Variants in EHHADH observed in about 807,000 individuals in gnomAD.
EHHADH encodes the protein peroxisomal bifunctional enzyme.
In EHHADH, 48 loss-of-function variants were observed where a neutral mutation model predicts 64.4. The observed-to-expected ratio is 0.75, with a 90% CI of 0.59 to 0.95. The LOEUF (loss-of-function observed/expected upper bound fraction) is 0.95, where lower values mean the gene tolerates loss of function less well. EHHADH is among the 40% of genes least tolerant of loss of function. The probability of loss-of-function intolerance (pLI) is 0.00; values close to 1 mark genes in which losing one functional copy is unlikely to be tolerated. For synonymous variants in EHHADH, 308 were observed against 326.7 expected, an observed-to-expected ratio of 0.94 and a Z score of 0.62; for missense variants, 854 against 876.6, an observed-to-expected ratio of 0.97 and a Z score of 0.33.
intron 3 of EHHADH, among the ~76,000 whole-genome samples, chr3:185,230,284 G>T (rs563173938): frequency 6.6e-6 from 1 of 152,290 alleles, no homozygotes; most frequent in South Asian, 2.1e-4. Flanking sequence ...GTTAAACATA[G>T]AGTTACCATA....
rs1719585811 is a variant in EHHADH, at chr3:185,246,041, T to C, written c.178+2373A>G. On this transcript the variant is annotated intron_variant, in intron 2 of 6. Transcript: ENST00000231887. ...TTCATCTTTCTCTAGTAGTTCATCC[T>C]CATCTGGGAACTTGACATTCTTCTT... 5.4e-6 allele frequency: 7 copies of C among 1,296,312 alleles called. No homozygotes were observed. In the East Asian group the frequency reaches 1.6e-4, roughly 30 times the overall value. The allele number at this position is 1,296,312 out of a possible 1,614,324, so 80.3% of individuals were successfully genotyped here.
At chr3:185,222,314 C>T (rs559215151) in intron 4 of EHHADH, among the ~76,000 whole-genome samples, 48 of 152,080 alleles carry the variant, frequency 3.2e-4, no homozygotes, top group African/African-American at 9.2e-4. Flanking sequence ...ACCTGGGAGG[C>T]GGAGGCTGCA....
intron 5 of EHHADH, among the ~76,000 whole-genome samples, chr3:185,215,987 C>T (rs963445877): frequency 6.6e-6 from 1 of 152,068 alleles, no homozygotes; most frequent in African/African-American, 2.4e-5. Flanking sequence ...AATAGTAACA[C>T]ATAATTGTCT....
In EHHADH at chr3:185,193,061, A is replaced by G; in HGVS notation, c.1337T>C (p.Ile446Thr). The G allele has an allele frequency of 1.2e-6, 2 of 1,614,188 alleles. No homozygotes were observed. The highest frequency in any genetic ancestry group is 1.7e-6 in the Non-Finnish European group (2 of 1,180,028). ...AGTGGGGGAAGAGTATTGGCTGGGA[A>G]TAACCTCTAACAACTTCATGACATG... ...PAHVMKLLEVIPSQYSSPTTI... is the reference protein window; with the variant it reads ...PAHVMKLLEVTPSQYSSPTTI... Residue 446 changes from isoleucine (I) to threonine (T), a missense_variant, in exon 7 of 7, where the codon ATT becomes ACT. Coordinates refer to ENST00000231887, the MANE Select transcript of EHHADH (RefSeq NM_001966.4).
At chr3:185,209,309 T>C (rs935201902) in intron 5 of EHHADH, among the ~76,000 whole-genome samples, 1 of 152,180 alleles carries the variant, frequency 6.6e-6, no homozygotes, top group African/African-American at 2.4e-5. Flanking sequence ...ATTTTCCATA[T>C]GTATTATATA....
Position 185,253,981 on chromosome 3 carries a change from G to C in EHHADH, c.42C>G (p.Ile14Met), listed in dbSNP as rs984525668. The C allele has an allele frequency of 5.0e-6, 8 of 1,613,908 alleles. No homozygotes were observed. The Middle Eastern group carries it at 4.9e-4, about 100-fold the overall frequency. The change falls in exon 1 of 7, where the codon ATC (isoleucine) becomes ATG (methionine). Residue 14 changes from isoleucine to methionine, a missense_variant. By Grantham distance (10) the Ile-to-Met change is conservative. Coordinates refer to ENST00000231887, the MANE Select transcript of EHHADH (RefSeq NM_001966.4). ...CGTTGACCGGCGGGTTTCGGAGGCGGATTAGCGCCAAGGCGTTGTGCAGCC... is the reference window on the plus strand; with the variant it reads ...CGTTGACCGGCGGGTTTCGGAGGCGCATTAGCGCCAAGGCGTTGTGCAGCC... Reference protein sequence around the residue: ...YTRLHNALALIRLRNPPVNAI... With the variant: ...YTRLHNALALMRLRNPPVNAI...
At position 185,192,625 on chromosome 3, in the gene EHHADH, T is replaced by C. The variant is rs1199440482; in HGVS notation, c.1773A>G (p.Lys591=). 6.2e-7 allele frequency: 1 copy of C among 1,614,180 alleles called. No individual in the cohort carries two copies. Among genetic ancestry groups the C allele is most frequent in the Admixed American group, 1.7e-5 (1 of 60,020 alleles). Reference sequence around the variant, plus strand: ...GGAATTTGGAAAGCCAGGGATCAGGTTTGTGAATCCTACCCAATGGCTTGT... The same window carrying C: ...GGAATTTGGAAAGCCAGGGATCAGGCTTGTGAATCCTACCCAATGGCTTGT... The part of the protein sequence containing the change: ...QYDKPLGRIH[K]PDPWLSKFLS... Residue 591 remains lysine (K), a synonymous_variant, in exon 7 of 7, where the codon AAA becomes AAG. Coordinates refer to ENST00000231887, the MANE Select transcript of EHHADH (RefSeq NM_001966.4).
chr3:185,236,543 T>G (rs1023209530), intron 2 of EHHADH, among the ~76,000 whole-genome samples: 1 of 149,798 alleles, frequency 6.7e-6, no homozygotes, highest in African/African-American at 2.4e-5. Context: ...AGCTTTTTCC[T>G]ACAGCATTAT....
rs1717852417 is a variant in EHHADH at position 185,191,107 on chromosome 3, A to T, written c.*1119T>A. The T allele has an allele frequency of 6.6e-6, 1 of 152,216 alleles. No homozygotes were observed. Among genetic ancestry groups the T allele is most frequent in the South Asian group, 2.1e-4 (1 of 4,824 alleles). 9.4% of individuals were successfully genotyped at this position (152,216 alleles called of 1,614,324 possible). On this transcript the variant is annotated 3_prime_UTR_variant, in exon 7 of 7. Coordinates refer to ENST00000231887, the MANE Select transcript of EHHADH (RefSeq NM_001966.4). ...ATTCATCACCCCCAATTCTAGCCTTAGGCAACCACTAATGTACGGAAAGTA... is the reference window on the plus strand; with the variant it reads ...ATTCATCACCCCCAATTCTAGCCTTTGGCAACCACTAATGTACGGAAAGTA...
In EHHADH at chr3:185,193,191, C is replaced by A. The variant is rs951867675; in HGVS notation, c.1207G>T (p.Glu403Ter). 1.2e-6 allele frequency: 2 copies of A among 1,612,608 alleles called. No homozygotes were observed. Among genetic ancestry groups the A allele is most frequent in the Non-Finnish European group, 1.7e-6 (2 of 1,179,572 alleles). The change falls in exon 7 of 7, where the codon GAA (glutamate) becomes TAA (stop). Residue 403 changes from glutamate to a stop codon, truncating the protein, a stop_gained. Coordinates refer to ENST00000231887, the MANE Select transcript of EHHADH (RefSeq NM_001966.4). LOFTEE classifies it high-confidence loss of function. ...GAAGTATTAGTGCACAAAAATGCTT[C>A]TGGTTTGCACACAGCTGAGAGTTCA... ...FAELSAVCKPEAFLCTNTSAL... is the reference protein window; with the variant it reads ...FAELSAVCKP
At chr3:185,246,881 T>C (rs538399318) in intron 2 of EHHADH, among the ~76,000 whole-genome samples, 5 of 152,300 alleles carry the variant, frequency 3.3e-5, no homozygotes, top group East Asian at 1.9e-4. Context: ...TTTAAAGCTA[T>C]AAATTTTCTG....
intron 6 of EHHADH, among the ~76,000 whole-genome samples, chr3:185,197,699 A>G (rs6772474): frequency 0.066 from 10,007 of 152,268 alleles, 1,077 homozygotes; most frequent in African/African-American, 0.22. Flanking sequence ...TCATCCTTCA[A>G]TGGATACTTG....
chr3:185,251,098 A>G (rs1719733386), intron 1 of EHHADH, among the ~76,000 whole-genome samples: 1 of 152,200 alleles, frequency 6.6e-6, no homozygotes, highest in African/African-American at 2.4e-5. Flanking sequence ...TTATGAAATT[A>G]TTTTCTCCTG....
chr3:185,234,640 T>C (rs2108646593), intron 3 of EHHADH, among the ~76,000 whole-genome samples: 1 of 120,820 alleles, frequency 8.3e-6, no homozygotes, highest in African/African-American at 3.0e-5. Context: ...AGGGCTAAGG[T>C]TAAGGGAAAC....
At chr3:185,226,650 C>A (rs1158691994) in intron 4 of EHHADH, among the ~76,000 whole-genome samples, 32 of 133,272 alleles carry the variant, frequency 2.4e-4, no homozygotes, top group African/African-American at 3.5e-4. Flanking sequence ...ACTCCATCTC[C>A]AAAAAAAAAA....
At chr3:185,228,810 T>C (rs1389667615) in intron 4 of EHHADH, among the ~76,000 whole-genome samples, 1 of 152,166 alleles carries the variant, frequency 6.6e-6, no homozygotes, top group African/African-American at 2.4e-5. Flanking sequence ...TCATTTATAT[T>C]ACAATTTTTT....
chr3:185,247,859 C>G (rs1719636666), intron 2 of EHHADH: 1 of 152,182 alleles, frequency 6.6e-6, no homozygotes, highest in African/African-American at 2.4e-5. Flanking sequence ...TTTGCATCTT[C>G]ACACAATAAC....
chr3:185,245,422 T>G, intron 2 of EHHADH: 1 of 695,354 alleles, frequency 1.4e-6, no homozygotes, highest in Non-Finnish European at 2.3e-6. Flanking sequence ...TTTAGCCACA[T>G]ATCCACAACA....
At position 185,192,843 on chromosome 3, in the gene EHHADH, AAGG is replaced by A; in HGVS notation, c.1552_1554del (p.Pro518del). ...AACCCAGCAAGATCAGACACTCTAAAAGGTCCCATTTTAAAACCAAACTCTTCC... is the reference window on the plus strand; with the variant it reads ...AACCCAGCAAGATCAGACACTCTAAATCCCATTTTAAAACCAAACTCTTCC... On this transcript the variant is annotated inframe_deletion, in exon 7 of 7. Coordinates refer to ENST00000231887, the MANE Select transcript of EHHADH (RefSeq NM_001966.4). 1 of 1,614,088 alleles carries A rather than the reference AAGG, an allele frequency of 6.2e-7. No individual in the cohort carries two copies. Among genetic ancestry groups the A allele is most frequent in the African/African-American group, 1.3e-5 (1 of 74,984 alleles).
Sources: allele counts gnomAD v4.1 joint callset (sites outside exome capture counted in the v4.1 genomes callset), GRCh38; gene constraint gnomAD v4.1.1; transcripts MANE v1.5; gene names NCBI Gene and HGNC (gene_info 2026-07-23, HGNC 2026-07-21).